The following CCDC178 variants were observed in gnomAD, a reference collection of about 807,000 sequenced individuals.
CCDC178 encodes coiled-coil domain-containing protein 178.
A neutral mutation model predicts 117.4 loss-of-function variants in CCDC178; 126 were observed. The ratio of observed to expected loss-of-function variants is 1.07; its 90% CI spans 0.93 to 1.24. CCDC178 has a LOEUF of 1.24. CCDC178 is among the 50% of genes most tolerant of loss of function. CCDC178 has a pLI of 0.00. For missense variants in CCDC178, 1,030 were observed against 986.9 expected, an observed-to-expected ratio of 1.04 and a Z score of -0.59; for synonymous variants, 283 against 313.4, an observed-to-expected ratio of 0.90 and a Z score of 1.02.
At chr18:33,022,428 G>C (rs1326766357) in intron 21 of CCDC178, among the ~76,000 whole-genome samples, 1 of 152,134 alleles carries the variant, frequency 6.6e-6, no homozygotes, top group Non-Finnish European at 1.5e-5. Flanking sequence ...GGTTCTAAAT[G>C]TGTTTAGAAG....
chr18:32,975,460 A>G (rs1019027250), intron 21 of CCDC178, among the ~76,000 whole-genome samples: 51 of 152,348 alleles, frequency 3.3e-4, no homozygotes, highest in Middle Eastern at 6.8e-3. Flanking sequence ...GTTTTATCAA[A>G]ACAATGTACA....
intron 14 of CCDC178, among the ~76,000 whole-genome samples, chr18:33,250,458 C>A (rs977565581): frequency 6.6e-6 from 1 of 151,148 alleles, no homozygotes; most frequent in South Asian, 2.1e-4. Context: ...GGGGACTAAA[C>A]CACTCAAAAA....
intron 2 of CCDC178, among the ~76,000 whole-genome samples, chr18:33,415,034 T>C (rs980619328): frequency 2.0e-5 from 3 of 152,134 alleles, no homozygotes; most frequent in Admixed American, 2.0e-4. Flanking sequence ...TGGCGATCAT[T>C]AAAAAGTCAA....
chr18:33,272,104 G>C (rs532051700), intron 12 of CCDC178, among the ~76,000 whole-genome samples: 1 of 151,452 alleles, frequency 6.6e-6, no homozygotes, highest in South Asian at 2.1e-4. Flanking sequence ...AAAAAGTGGA[G>C]AGAATCAACA....
intron 20 of CCDC178, among the ~76,000 whole-genome samples, chr18:33,100,527 C>T (rs553648389): frequency 1.7e-4 from 26 of 151,962 alleles, no homozygotes; most frequent in Non-Finnish European, 3.2e-4. Flanking sequence ...ATCCACATAA[C>T]GATAGTAGTT....
intron 1 of CCDC178, among the ~76,000 whole-genome samples, chr18:33,440,292 T>C (rs1474531226): frequency 8.2e-4 from 2 of 2,438 alleles, no homozygotes; most frequent in African/African-American, 3.0e-3. Context: ...CAGTGGGGAC[T>C]GGGGGACTGG....
At chr18:33,321,906 A>G (rs546800737) in intron 11 of CCDC178, among the ~76,000 whole-genome samples, 1 of 152,072 alleles carries the variant, frequency 6.6e-6, no homozygotes, top group Admixed American at 6.5e-5. Context: ...CAACAGATAT[A>G]TCTAAAATAT....
At chr18:33,401,220 T>C (rs1439338417) in intron 3 of CCDC178, among the ~76,000 whole-genome samples, 2 of 152,168 alleles carry the variant, frequency 1.3e-5, no homozygotes, top group African/African-American at 4.8e-5. Context: ...GCAGGAAGTA[T>C]TAAAATGTGA....
At chr18:33,434,443 A>G (rs1425835347) in intron 2 of CCDC178, among the ~76,000 whole-genome samples, 1 of 152,158 alleles carries the variant, frequency 6.6e-6, no homozygotes, top group African/African-American at 2.4e-5. Context: ...ACATGATTTC[A>G]TGGCATAATA....
At chr18:32,949,339 C>T (rs2054425512) in intron 22 of CCDC178, among the ~76,000 whole-genome samples, 1 of 152,108 alleles carries the variant, frequency 6.6e-6, no homozygotes, top group Non-Finnish European at 1.5e-5. Flanking sequence ...TTTCTGTTCT[C>T]TCTTTATTTT....
intron 10 of CCDC178, among the ~76,000 whole-genome samples, chr18:33,327,411 GT>G (rs905858731): frequency 3.4e-4 from 52 of 152,178 alleles, no homozygotes; most frequent in African/African-American, 1.2e-3. Context: ...TTATGTACAA[GT>G]TTTTGCTTTT....
chr18:33,408,809 A>G (rs867902718), intron 3 of CCDC178, among the ~76,000 whole-genome samples: 1 of 152,200 alleles, frequency 6.6e-6, no homozygotes, highest in Non-Finnish European at 1.5e-5. Flanking sequence ...ATTTTGATAC[A>G]AATAAATGTG....
chr18:33,023,666 A>G (rs771265847), intron 21 of CCDC178, among the ~76,000 whole-genome samples: 18 of 152,154 alleles, frequency 1.2e-4, no homozygotes, highest in Non-Finnish European at 2.1e-4. Flanking sequence ...ACATCCCAAG[A>G]AACTAGAAAA....
intron 21 of CCDC178, among the ~76,000 whole-genome samples, chr18:33,001,759 A>T (rs977043944): frequency 2.0e-5 from 3 of 152,026 alleles, no homozygotes; most frequent in African/African-American, 7.2e-5. Context: ...AAAAAAGAAG[A>T]CCCAGCATAG....
In CCDC178 at chr18:33,092,925, A is replaced by G; in HGVS notation, c.2239-15T>C. ...GCTATTATTTTCTAGAAGGTAAAAA[A>G]ATATAATTGAATTGTGTGTATATAT... is the stretch of plus-strand genomic sequence containing the variant. On this transcript the variant is annotated splice_polypyrimidine_tract_variant and intron_variant, in intron 20 of 22. Transcript: ENST00000383096. The G allele has an allele frequency of 2.0e-6, 3 of 1,464,838 alleles. No individual in the cohort carries two copies. The highest frequency in any genetic ancestry group is 2.8e-6 in the Non-Finnish European group (3 of 1,079,482). 90.7% of individuals were successfully genotyped at this position (1,464,838 alleles called of 1,614,324 possible).
At chr18:33,010,541 T>C (rs1268962560) in intron 21 of CCDC178, among the ~76,000 whole-genome samples, 1 of 152,154 alleles carries the variant, frequency 6.6e-6, no homozygotes, top group Non-Finnish European at 1.5e-5. Context: ...AGAAAACACA[T>C]CTCAGTCTAG....
chr18:33,302,495 T>C (rs780541739), intron 11 of CCDC178, among the ~76,000 whole-genome samples: 2 of 152,170 alleles, frequency 1.3e-5, no homozygotes, highest in Non-Finnish European at 2.9e-5. Flanking sequence ...TACTATATGA[T>C]CCAGCAATCT....
chr18:33,063,218 G>A (rs184721726), intron 21 of CCDC178, among the ~76,000 whole-genome samples: 30 of 152,146 alleles, frequency 2.0e-4, no homozygotes, highest in Non-Finnish European at 2.9e-4. Flanking sequence ...GCCATTGCCA[G>A]TGCCAACACA....
At chr18:33,052,884 G>T (rs1023807388) in intron 21 of CCDC178, among the ~76,000 whole-genome samples, 4 of 152,002 alleles carry the variant, frequency 2.6e-5, no homozygotes, top group Admixed American at 6.6e-5. Flanking sequence ...CCTGATATTG[G>T]TAAGTCATTT....
Sources: gnomAD v4.1 joint callset for allele counts (sites outside exome capture counted in the v4.1 genomes callset) on GRCh38, gnomAD v4.1.1 for gene constraint, MANE v1.5 for transcripts, NCBI Gene and HGNC (gene_info 2026-07-23, HGNC 2026-07-21) for gene names.